SHROOM3: variants seen among roughly 807,000 people sequenced by gnomAD.
The protein encoded by SHROOM3 is shroom family member 3.
Under a neutral mutation model 138.6 loss-of-function variants are expected in SHROOM3, and 47 were observed. The ratio of observed to expected loss-of-function variants is 0.34; its 90% CI spans 0.27 to 0.43. SHROOM3 has a LOEUF of 0.43. Ranked by LOEUF, SHROOM3 falls within the 20% of genes least tolerant of loss-of-function variation. SHROOM3 has a pLI of 1.00. For synonymous variants in SHROOM3, 1,062 were observed against 1,063.3 expected, an observed-to-expected ratio of 1.00 and a Z score of 0.02; for missense variants, 2,491 against 2,596.5, an observed-to-expected ratio of 0.96 and a Z score of 0.88.
intron 1 of SHROOM3, among the ~76,000 whole-genome samples, chr4:76,522,319 T>A (rs1170633130): frequency 1.3e-5 from 2 of 149,712 alleles, no homozygotes; most frequent in African/African-American, 2.4e-5. Flanking sequence ...CCAGTGTAGC[T>A]TTTTTTAGTG....
intron 1 of SHROOM3, among the ~76,000 whole-genome samples, chr4:76,462,976 AG>A (rs1433980714): frequency 6.6e-6 from 1 of 152,190 alleles, no homozygotes; most frequent in Non-Finnish European, 1.5e-5. Context: ...TTGGTAGAGA[AG>A]GGGGGCATTG....
chr4:76,642,977 C>T (rs1735714163), intron 2 of SHROOM3, among the ~76,000 whole-genome samples: 5 of 151,910 alleles, frequency 3.3e-5, no homozygotes, highest in Admixed American at 6.6e-5. Flanking sequence ...GAGGCCGAGG[C>T]GGGCAGATCA....
intron 3 of SHROOM3, among the ~76,000 whole-genome samples, chr4:76,718,320 C>T (rs1451555508): frequency 6.6e-6 from 1 of 151,832 alleles, no homozygotes; most frequent in Non-Finnish European, 1.5e-5. Context: ...GGTAGTTAAA[C>T]TCTTCTCTAT....
chr4:76,561,546 G>A (rs577985613), intron 2 of SHROOM3, among the ~76,000 whole-genome samples: 2 of 152,070 alleles, frequency 1.3e-5, no homozygotes, highest in South Asian at 2.1e-4. Flanking sequence ...ACTTGTCCAA[G>A]GCCACATACT....
rs1733472040 is a variant in SHROOM3, at chr4:76,555,762, A to T, written c.322A>T (p.Arg108Ter). Residue 108 changes from arginine to a stop codon, truncating the protein, a stop_gained and splice_region_variant, in exon 2 of 11, where the codon AGA becomes TGA. Transcript: ENST00000296043. LOFTEE classifies it high-confidence loss of function. ...SYKTLRLVVR[R>*]DVCTDPGHAD... ...CAAGACCCTCAGGCTGGTAGTGCGC[A>T]GGTAGGTGGCAGACCCCCACCCTGT... 2 of 1,612,360 alleles carry T rather than the reference A, an allele frequency of 1.2e-6. No individual in the cohort carries two copies. The highest frequency in any genetic ancestry group is 1.7e-6 in the Non-Finnish European group (2 of 1,179,956).
At chr4:76,774,315 C>T (rs1055748248) in intron 10 of SHROOM3, among the ~76,000 whole-genome samples, 2 of 151,984 alleles carry the variant, frequency 1.3e-5, no homozygotes, top group African/African-American at 2.4e-5. Context: ...AGTTTGCTCA[C>T]CCAAAAAATA....
intron 1 of SHROOM3, among the ~76,000 whole-genome samples, chr4:76,462,444 A>C (rs1226732063): frequency 6.6e-6 from 1 of 152,130 alleles, no homozygotes; most frequent in African/African-American, 2.4e-5. Flanking sequence ...TATAGGGTAG[A>C]TCCTATAAGA....
chr4:76,590,567 G>A (rs1734251472), intron 2 of SHROOM3, among the ~76,000 whole-genome samples: 2 of 149,360 alleles, frequency 1.3e-5, no homozygotes, highest in South Asian at 4.3e-4. Flanking sequence ...CTGCTCCACT[G>A]CTCAAGAAGA....
At chr4:76,464,613 A>G (rs1389342811) in intron 1 of SHROOM3, among the ~76,000 whole-genome samples, 1 of 152,078 alleles carries the variant, frequency 6.6e-6, no homozygotes, top group African/African-American at 2.4e-5. Context: ...TTGTGTCCCC[A>G]CCCAAATCTC....
chr4:76,667,055 G>T (rs1553934742), intron 2 of SHROOM3, among the ~76,000 whole-genome samples: 1 of 152,210 alleles, frequency 6.6e-6, no homozygotes, highest in South Asian at 2.1e-4. Context: ...TAGAATGGTG[G>T]TTGGCAGGGG....
chr4:76,628,165 T>TA (rs766194079), intron 2 of SHROOM3, among the ~76,000 whole-genome samples: 2 of 152,126 alleles, frequency 1.3e-5, no homozygotes, highest in Non-Finnish European at 2.9e-5. Flanking sequence ...AAGTGAGATA[T>TA]AAAAAAATTA....
rs185626062 is a variant in SHROOM3 at position 76,494,575 on chromosome 4, C to T, written c.168+58355C>T. Among the ~76,000 whole-genome samples the T allele has an allele frequency of 8.7e-4, 132 of 152,244 alleles. 1 individual carries two copies. Among genetic ancestry groups the T allele is most frequent in the African/African-American group, 2.8e-3 (117 of 41,546 alleles). Reference sequence around the variant, plus strand: ...ATATTAAAAGTAGCAAGAGAATGAACGGGAATCAGGCGGAACATACTGATA... The same window carrying T: ...ATATTAAAAGTAGCAAGAGAATGAATGGGAATCAGGCGGAACATACTGATA... On this transcript the variant is annotated intron_variant, in intron 1 of 10. Coordinates refer to ENST00000296043, the MANE Select transcript of SHROOM3 (RefSeq NM_020859.4).
At position 76,730,949 on chromosome 4, in the gene SHROOM3, G is replaced by A; in HGVS notation, c.587+14G>A. On this transcript the variant is annotated intron_variant, in intron 4 of 10. Transcript: ENST00000296043. The stretch of plus-strand genomic sequence containing the variant: ...CTACCATTCCAGGTAAGTGGCTATA[G>A]CTGAGACTGAAGGGTTTCTTTCTTT... The A allele has an allele frequency of 6.2e-7, 1 of 1,613,940 alleles. No homozygotes were observed. The highest frequency in any genetic ancestry group is 8.5e-7 in the Non-Finnish European group (1 of 1,179,892).
At chr4:76,524,411 G>A (rs765152989) in intron 1 of SHROOM3, among the ~76,000 whole-genome samples, 7 of 152,308 alleles carry the variant, frequency 4.6e-5, no homozygotes, top group Middle Eastern at 3.4e-3. Flanking sequence ...GGGCAGAACC[G>A]TGGAAGACTG....
intron 1 of SHROOM3, among the ~76,000 whole-genome samples, chr4:76,456,718 C>T (rs766559007): frequency 7.9e-5 from 12 of 152,148 alleles, no homozygotes; most frequent in Non-Finnish European, 1.6e-4. Context: ...GTTTCATGCG[C>T]GTCCGTGTAA....
chr4:76,549,251 T>C (rs924213811), intron 1 of SHROOM3, among the ~76,000 whole-genome samples: 16 of 152,340 alleles, frequency 1.1e-4, no homozygotes, highest in African/African-American at 3.4e-4. Flanking sequence ...AATGTGTTGT[T>C]ACCAGTGCAT....
intron 1 of SHROOM3, among the ~76,000 whole-genome samples, chr4:76,463,452 G>T (rs999399396): frequency 3.9e-5 from 6 of 152,316 alleles, no homozygotes; most frequent in African/African-American, 1.4e-4. Flanking sequence ...GAGCATAAAA[G>T]ATTGGAAAAT....
At chr4:76,724,861 G>T (rs1441609484) in intron 3 of SHROOM3, among the ~76,000 whole-genome samples, 3 of 152,236 alleles carry the variant, frequency 2.0e-5, no homozygotes, top group Admixed American at 2.0e-4. Context: ...ATCTTTTGAT[G>T]GGTATGTTAT....
chr4:76,555,395 C>A (rs1435546031), intron 1 of SHROOM3, among the ~76,000 whole-genome samples: 1 of 152,134 alleles, frequency 6.6e-6, no homozygotes, highest in Admixed American at 6.5e-5. Context: ...AGGGCGCCCT[C>A]CCTGGGCAGG....
Sources: allele counts gnomAD v4.1 joint callset (sites outside exome capture counted in the v4.1 genomes callset), GRCh38; gene constraint gnomAD v4.1.1; transcripts MANE v1.5; gene names NCBI Gene and HGNC (gene_info 2026-07-23, HGNC 2026-07-21).